Variants in CD2AP observed in about 807,000 individuals in gnomAD.
CD2AP encodes CD2 associated protein, also known as CD2-associated protein.
CD2AP carries 46 observed loss-of-function variants against 85.1 expected under a neutral mutation model. The ratio of observed to expected loss-of-function variants is 0.54; its 90% CI spans 0.43 to 0.69. The LOEUF is 0.69. Among genes scored for constraint, CD2AP ranks in the 30% least tolerant of loss-of-function variants. The probability of loss-of-function intolerance (pLI) is 0.00; values close to 1 mark genes in which losing one functional copy is unlikely to be tolerated. For missense variants in CD2AP, 769 were observed against 729.5 expected (o/e 1.05, Z -0.62); for synonymous variants, 255 against 252.9 (o/e 1.01, Z -0.08).
chr6:47,522,135 A>C (rs1338603562), intron 2 of CD2AP, among the ~76,000 whole-genome samples: 2 of 152,194 alleles, frequency 1.3e-5, no homozygotes, highest in Non-Finnish European at 2.9e-5. Flanking sequence ...GAGTCCGATC[A>C]CCTGAGGAGG....
At chr6:47,516,346 G>A (rs966530970) in intron 2 of CD2AP, among the ~76,000 whole-genome samples, 5 of 152,162 alleles carry the variant, frequency 3.3e-5, no homozygotes, top group East Asian at 1.9e-4. Flanking sequence ...AGAAAATCAC[G>A]TTCCAGTTTT....
chr6:47,498,672 A>G (rs930734836), intron 1 of CD2AP, among the ~76,000 whole-genome samples: 1 of 152,232 alleles, frequency 6.6e-6, no homozygotes, highest in Admixed American at 6.5e-5. Context: ...TTTGGAAGAC[A>G]TAAACTTTAA....
rs777466357 is a variant in CD2AP at position 47,537,796 on chromosome 6, AT to A, written c.319+4055del. ...GATTTTTTTATTGCTAAGGATGAGA[AT>A]TTTTTTTTTTTTTGGATACAGAGTC... On this transcript the variant is annotated intron_variant, in intron 3 of 17. Coordinates refer to ENST00000359314, the MANE Select transcript of CD2AP (RefSeq NM_012120.3). Among the ~76,000 whole-genome samples, 1,419 of 144,956 alleles carry A rather than the reference AT, an allele frequency of 9.8e-3. 13 individuals are homozygous for A. The highest frequency in any genetic ancestry group is 0.028 in the African/African-American group (1,126 of 39,936).
chr6:47,567,450 A>G (rs890973410), intron 5 of CD2AP, among the ~76,000 whole-genome samples: 10 of 152,204 alleles, frequency 6.6e-5, no homozygotes, highest in African/African-American at 2.2e-4. Flanking sequence ...GAATACAGTG[A>G]TCAGCAACAT....
chr6:47,562,345 A>G (rs1050341061), intron 5 of CD2AP, among the ~76,000 whole-genome samples: 3 of 152,234 alleles, frequency 2.0e-5, no homozygotes, highest in African/African-American at 4.8e-5. Context: ...GTTACTTTAC[A>G]TAGTCATAAA....
intron 14 of CD2AP, among the ~76,000 whole-genome samples, chr6:47,607,013 C>T (rs146725236): frequency 2.7e-3 from 409 of 152,134 alleles, no homozygotes; most frequent in Admixed American, 3.7e-3. Flanking sequence ...TGTTCTCTAT[C>T]TCCATTAGTT....
intron 11 of CD2AP, 188 bp downstream of exon 11, chr6:47,582,253 A>G: frequency 1.9e-6 from 1 of 536,730 alleles, no homozygotes; most frequent in East Asian, 3.3e-5. Context: ...TACATTCATT[A>G]AAAAATTAAA....
chr6:47,618,428 T>A (rs550314229), intron 17 of CD2AP, among the ~76,000 whole-genome samples: 1 of 152,338 alleles, frequency 6.6e-6, no homozygotes, highest in South Asian at 2.1e-4. Flanking sequence ...ATTCTACCTG[T>A]CTTTGAGACT....
At chr6:47,577,209 A>G (rs1768338399) in intron 8 of CD2AP, 106 bp downstream of exon 8, 1 of 699,812 alleles carries the variant, frequency 1.4e-6, no homozygotes, top group Non-Finnish European at 2.6e-6. Context: ...CCTGGAATCT[A>G]GAAGAGCTGG....
intron 2 of CD2AP, among the ~76,000 whole-genome samples, chr6:47,508,816 A>G (rs984475252): frequency 1.3e-5 from 2 of 152,160 alleles, no homozygotes; most frequent in African/African-American, 4.8e-5. Context: ...AAGTGCTGGG[A>G]TTACAGGTGT....
intron 13 of CD2AP, among the ~76,000 whole-genome samples, chr6:47,604,532 A>T (rs1769219567): frequency 6.6e-6 from 1 of 151,894 alleles, no homozygotes; most frequent in African/African-American, 2.4e-5. Context: ...GCATTTGAAA[A>T]TAATCTCTAC....
chr6:47,556,913 A>G (rs540939803), intron 5 of CD2AP, among the ~76,000 whole-genome samples: 1 of 152,260 alleles, frequency 6.6e-6, no homozygotes, highest in South Asian at 2.1e-4. Flanking sequence ...GTCTTCCACA[A>G]TGGTTGAACT....
intron 17 of CD2AP, among the ~76,000 whole-genome samples, chr6:47,613,680 G>A (rs761728768): frequency 1.3e-5 from 2 of 152,100 alleles, no homozygotes; most frequent in African/African-American, 4.8e-5. Flanking sequence ...TGATAAATAA[G>A]TGATGGTTTC....
At chr6:47,529,556 T>C (rs1395475035) in intron 2 of CD2AP, among the ~76,000 whole-genome samples, 1 of 152,196 alleles carries the variant, frequency 6.6e-6, no homozygotes, top group Non-Finnish European at 1.5e-5. Flanking sequence ...GGTGCATAAA[T>C]AGTTATCTTA....
At chr6:47,612,086 A>G (rs1293483168) in intron 16 of CD2AP, among the ~76,000 whole-genome samples, 1 of 152,124 alleles carries the variant, frequency 6.6e-6, no homozygotes, top group Non-Finnish European at 1.5e-5. Context: ...ATGTTACCAG[A>G]TAAACTGTTA....
At chr6:47,563,766 G>A (rs1300677819) in intron 5 of CD2AP, among the ~76,000 whole-genome samples, 3 of 152,066 alleles carry the variant, frequency 2.0e-5, no homozygotes, top group Non-Finnish European at 4.4e-5. Context: ...TGAGCTCCCT[G>A]GCTGTTTAAT....
intron 12 of CD2AP, among the ~76,000 whole-genome samples, chr6:47,599,031 A>C (rs1769031350): frequency 6.6e-6 from 1 of 150,722 alleles, no homozygotes; most frequent in South Asian, 2.1e-4. Context: ...TTTAATTTTT[A>C]AGTATTATTT....
chr6:47,585,140 TA>T (rs993329674), intron 11 of CD2AP, among the ~76,000 whole-genome samples: 137 of 133,516 alleles, frequency 1.0e-3, no homozygotes, highest in Admixed American at 1.5e-3. Flanking sequence ...AAAAATAAAA[TA>T]AAAAAAAAAA....
rs1383746775 is a variant in CD2AP, at chr6:47,574,048, CA to C, written c.542-13del. 6.2e-7 allele frequency: 1 copy of C among 1,612,480 alleles called. No homozygotes were observed. The highest frequency in any genetic ancestry group is 1.1e-5 in the South Asian group (1 of 91,024). On this transcript the variant is annotated splice_polypyrimidine_tract_variant and intron_variant, in intron 5 of 17. Coordinates refer to ENST00000359314, the MANE Select transcript of CD2AP (RefSeq NM_012120.3). ...GATTCTAGGTGTCATTCTTCAAAAA[CA>C]AATTATTGTTTCAGAAACTGTTTTG...
Sources: gnomAD v4.1 joint callset for allele counts (sites outside exome capture counted in the v4.1 genomes callset) on GRCh38, gnomAD v4.1.1 for gene constraint, MANE v1.5 for transcripts, NCBI Gene and HGNC (gene_info 2026-07-23, HGNC 2026-07-21) for gene names.